Variants in LRRC4C observed in about 807,000 individuals in gnomAD.
LRRC4C encodes the protein leucine rich repeat containing 4C, also known as leucine-rich repeat-containing protein 4C.
LRRC4C carries 5 observed loss-of-function variants against 33.6 expected under a neutral mutation model. The ratio of observed to expected loss-of-function variants is 0.15; its 90% CI spans 0.08 to 0.31. The LOEUF is 0.31. LRRC4C is among the 10% of genes least tolerant of loss of function. The pLI, the probability that LRRC4C is intolerant of heterozygous loss-of-function variation, is 1.00. For missense variants in LRRC4C, 560 were observed against 796.7 expected, an observed-to-expected ratio of 0.70 and a Z score of 3.58; for synonymous variants, 329 against 302.0, an observed-to-expected ratio of 1.09 and a Z score of -0.93.
intron 4 of LRRC4C, among the ~76,000 whole-genome samples, chr11:40,263,065 TCAAA>T (rs903500338): frequency 5.3e-5 from 8 of 152,000 alleles, no homozygotes; most frequent in African/African-American, 1.5e-4. Flanking sequence ...GATTCACAAC[TCAAA>T]CAGAGAAAAT....
chr11:40,778,588 C>T lies in LRRC4C; in HGVS notation c.-406-130310G>A, dbSNP rs188750608. 6.6e-5 allele frequency among the ~76,000 whole-genome samples: 10 copies of T among 152,076 alleles called. 1 individual carries two copies. In the East Asian group the frequency reaches 1.9e-3, roughly 30 times the overall value. On this transcript the variant is annotated intron_variant, in intron 2 of 6. Transcript: ENST00000528697. The stretch of plus-strand genomic sequence containing the variant: ...TCAGGAGAAAGTGAGCTAGGGCAAG[C>T]AAGAGAGAATTCTTGAGTTAGTGAG...
chr11:41,444,993 G>C (rs1256770474), intron 1 of LRRC4C, among the ~76,000 whole-genome samples: 1 of 151,822 alleles, frequency 6.6e-6, no homozygotes, highest in African/African-American at 2.4e-5. Context: ...AGTAGAGACA[G>C]GGTTTCTTCA....
At chr11:41,417,063 A>C (rs1479665297) in intron 1 of LRRC4C, among the ~76,000 whole-genome samples, 1 of 152,096 alleles carries the variant, frequency 6.6e-6, no homozygotes, top group East Asian at 1.9e-4. Context: ...CCTTACTGAG[A>C]AGTCTAGCAA....
At position 40,664,318 on chromosome 11, in the gene LRRC4C, G is replaced by C. The variant is rs187063059; in HGVS notation, c.-406-16040C>G. 1.0e-3 allele frequency among the ~76,000 whole-genome samples: 158 copies of C among 152,282 alleles called. 2 individuals are homozygous for C. The highest frequency in any genetic ancestry group is 8.4e-3 in the Admixed American group (129 of 15,280). On this transcript the variant is annotated intron_variant, in intron 2 of 6. Transcript: ENST00000528697. ...CTAGCACTTTGAGAGGGAGAGGCAG[G>C]TGGATCGCCTGAGGTCAGGAGTTCG...
chr11:40,833,869 G>A (rs896867495), intron 2 of LRRC4C, among the ~76,000 whole-genome samples: 4 of 152,008 alleles, frequency 2.6e-5, no homozygotes, highest in African/African-American at 4.8e-5. Flanking sequence ...GCTGTTCTGC[G>A]GATACACAGA....
At chr11:40,848,409 A>G (rs1294073066) in intron 2 of LRRC4C, among the ~76,000 whole-genome samples, 2 of 151,968 alleles carry the variant, frequency 1.3e-5, no homozygotes, top group African/African-American at 4.8e-5. Context: ...TTATTTACCC[A>G]GTCGTTATTC....
At chr11:41,291,220 G>A (rs1217739804) in intron 1 of LRRC4C, among the ~76,000 whole-genome samples, 2 of 152,100 alleles carry the variant, frequency 1.3e-5, no homozygotes, top group Admixed American at 6.6e-5. Context: ...TCACCACTTA[G>A]GAAGGAGAGA....
At chr11:41,393,113 T>C (rs1953669807) in intron 1 of LRRC4C, among the ~76,000 whole-genome samples, 2 of 152,056 alleles carry the variant, frequency 1.3e-5, no homozygotes, top group South Asian at 2.1e-4. Flanking sequence ...GCAAACTAAC[T>C]TTGACATTTA....
In LRRC4C at chr11:40,979,594, C is replaced by T. The variant is rs577733041; in HGVS notation, c.-495-45871G>A. Among the ~76,000 whole-genome samples the T allele has an allele frequency of 3.3e-5, 5 of 152,170 alleles. No individual in the cohort carries two copies. In the South Asian group the frequency reaches 8.3e-4, roughly 25 times the overall value. On this transcript the variant is annotated intron_variant, in intron 1 of 6. Transcript: ENST00000528697. The stretch of plus-strand genomic sequence containing the variant: ...ATTTTGGAAGTCTGATTTTAGGTAC[C>T]GTCAATGTTAATGAAAATTTGAGAA...
intron 1 of LRRC4C, among the ~76,000 whole-genome samples, chr11:41,187,101 T>C (rs1247685200): frequency 1.3e-5 from 2 of 152,096 alleles, no homozygotes; most frequent in East Asian, 1.9e-4. Flanking sequence ...AGCAGTGATA[T>C]GGGAAGGGGA....
At chr11:40,780,628 G>A (rs1422887833) in intron 2 of LRRC4C, among the ~76,000 whole-genome samples, 2 of 151,896 alleles carry the variant, frequency 1.3e-5, no homozygotes, top group East Asian at 3.9e-4. Context: ...AGATACAAAG[G>A]GTCATCACCA....
intron 1 of LRRC4C, among the ~76,000 whole-genome samples, chr11:41,194,104 A>G (rs926003531): frequency 3.3e-5 from 5 of 152,050 alleles, no homozygotes; most frequent in African/African-American, 1.2e-4. Context: ...TATTTCATGA[A>G]TTGTAAATGT....
At chr11:40,460,277 C>T (rs969853742) in intron 3 of LRRC4C, among the ~76,000 whole-genome samples, 1 of 151,948 alleles carries the variant, frequency 6.6e-6, no homozygotes, top group African/African-American at 2.4e-5. Context: ...CAGAACCTAA[C>T]ATTTGAAAGG....
chr11:41,325,566 GTTTTTT>G (rs71466927), intron 1 of LRRC4C, among the ~76,000 whole-genome samples: 46 of 106,530 alleles, frequency 4.3e-4, no homozygotes, highest in Admixed American at 7.1e-4. Context: ...TGTCCTTATA[GTTTTTT>G]TTTTTTGTGT....
intron 1 of LRRC4C, among the ~76,000 whole-genome samples, chr11:41,147,015 A>G (rs1365846379): frequency 6.6e-6 from 1 of 152,248 alleles, no homozygotes; most frequent in Non-Finnish European, 1.5e-5. Context: ...ATCATGAATG[A>G]TTCCAGTTTT....
chr11:40,653,116 A>G (rs536092708), intron 2 of LRRC4C, among the ~76,000 whole-genome samples: 2 of 152,356 alleles, frequency 1.3e-5, no homozygotes, highest in African/African-American at 4.8e-5. Flanking sequence ...ACTCAGCCTC[A>G]GGCAGTTCTT....
At chr11:40,843,948 G>A (rs966445802) in intron 2 of LRRC4C, among the ~76,000 whole-genome samples, 28 of 152,258 alleles carry the variant, frequency 1.8e-4, no homozygotes, top group African/African-American at 6.7e-4. Flanking sequence ...TGAATAAACA[G>A]CAGAATAAAC....
chr11:40,593,710 G>C (rs949128085), intron 3 of LRRC4C, among the ~76,000 whole-genome samples: 1 of 152,166 alleles, frequency 6.6e-6, no homozygotes, highest in Non-Finnish European at 1.5e-5. Context: ...AGTTTTTCAA[G>C]ATAGAAGACT....
intron 1 of LRRC4C, among the ~76,000 whole-genome samples, chr11:41,021,844 G>A (rs1329341964): frequency 6.6e-6 from 1 of 151,938 alleles, no homozygotes; most frequent in African/African-American, 2.4e-5. Context: ...TCATTATGTA[G>A]TAAGTTTTAT....
Sources: allele counts gnomAD v4.1 joint callset (sites outside exome capture counted in the v4.1 genomes callset), GRCh38; gene constraint gnomAD v4.1.1; transcripts MANE v1.5; gene names NCBI Gene and HGNC (gene_info 2026-07-23, HGNC 2026-07-21).